Variants in MTR observed in about 807,000 individuals in gnomAD.
MTR encodes methionine synthase.
A neutral mutation model predicts 154.8 loss-of-function variants in MTR; 84 were observed. The observed-to-expected ratio is 0.54, with a 90% CI of 0.45 to 0.65. MTR has a LOEUF of 0.65. Among genes scored for constraint, MTR ranks in the 30% least tolerant of loss-of-function variants. The pLI, the probability that MTR is intolerant of heterozygous loss-of-function variation, is 0.00. For synonymous variants in MTR, 554 were observed against 553.9 expected, an observed-to-expected ratio of 1.00 and a Z score of 0.00; for missense variants, 1,275 against 1,570.2, an observed-to-expected ratio of 0.81 and a Z score of 3.18.
At chr1:236,866,199 C>T (rs529217454) in intron 22 of MTR, among the ~76,000 whole-genome samples, 1 of 152,244 alleles carries the variant, frequency 6.6e-6, no homozygotes, top group African/African-American at 2.4e-5. Flanking sequence ...GTCTTGATGG[C>T]ATTTTTCCAA....
chr1:236,803,386 C>T (rs749723621), intron 1 of MTR, 42 bp from the exon 2 acceptor site: 11 of 1,582,586 alleles, frequency 7.0e-6, no homozygotes, highest in South Asian at 5.5e-5. Context: ...ACATCTTTTT[C>T]ACCTTTCATT....
rs1021563385 is a variant in MTR, at chr1:236,825,345, C to G, written c.873C>G (p.Pro291=). Residue 291 remains proline, a synonymous_variant, in exon 10 of 33, where the codon CCC becomes CCG. Transcript: ENST00000366577. ...TGAATTATCCTTTCTCAGGTCTTCC[C>G]AACACCTTTGGTGACTATGATGAAA... ...YVLCYPNAGL[P]NTFGDYDETP... 9.3e-6 allele frequency: 15 copies of G among 1,613,188 alleles called. No individual in the cohort carries two copies. Among genetic ancestry groups the G allele is most frequent in the South Asian group, 4.4e-5 (4 of 91,068 alleles).
intron 30 of MTR, 136 bp downstream of exon 30, chr1:236,894,693 G>T: frequency 1.3e-6 from 1 of 782,636 alleles, no homozygotes; most frequent in Non-Finnish European, 2.0e-6. Context: ...GATGCTGCTG[G>T]CTTTAACATT....
chr1:236,850,252 AT>A (rs11288788), intron 15 of MTR, 91 bp from the exon 16 acceptor site: 3 of 753,756 alleles, frequency 4.0e-6, no homozygotes, highest in African/African-American at 5.0e-5. Flanking sequence ...TAATATTAAT[AT>A]TTTATTAAAA....
Position 236,818,638 on chromosome 1 carries a change from G to A in MTR, c.764+2095G>A, listed in dbSNP as rs193079582. On this transcript the variant is annotated intron_variant, in intron 8 of 32. Coordinates refer to ENST00000366577, the MANE Select transcript of MTR (RefSeq NM_000254.3). The stretch of plus-strand genomic sequence containing the variant: ...TATTTCGTTACGAATCTTACAGACT[G>A]TAGGGGCAGATAGAAGGCAGCAAAT... Among the ~76,000 whole-genome samples, 353 of 152,306 alleles carry A rather than the reference G, an allele frequency of 2.3e-3. 1 individual carries two copies. Among genetic ancestry groups the A allele is most frequent in the Middle Eastern group, 0.014 (4 of 294 alleles).
intron 8 of MTR, among the ~76,000 whole-genome samples, chr1:236,819,432 T>C (rs1173485094): frequency 6.6e-6 from 1 of 152,232 alleles, no homozygotes; most frequent in Non-Finnish European, 1.5e-5. Context: ...GCTCGATAGC[T>C]TATTTCTTTT....
intron 18 of MTR, among the ~76,000 whole-genome samples, chr1:236,856,079 T>C (rs1410148276): frequency 6.6e-6 from 1 of 152,242 alleles, no homozygotes; most frequent in Non-Finnish European, 1.5e-5. Context: ...AATTCTTTAC[T>C]GCTGTTTGTA....
intron 21 of MTR, 135 bp downstream of exon 21, chr1:236,862,478 C>G (rs1439487811): frequency 1.4e-6 from 1 of 714,196 alleles, no homozygotes; most frequent in Non-Finnish European, 2.5e-6. Flanking sequence ...TCCCACATCT[C>G]TCCCTTTTTT....
Position 236,897,954 on chromosome 1 carries a change from C to G in MTR, c.*310C>G, listed in dbSNP as rs535288803. The G allele has an allele frequency of 3.1e-6, 1 of 318,684 alleles. No individual in the cohort carries two copies. The highest frequency in any genetic ancestry group is 5.8e-6 in the Non-Finnish European group (1 of 173,270). 19.7% of individuals were successfully genotyped at this position (318,684 alleles called of 1,614,324 possible). A position where few individuals can be genotyped will look rare whatever the true frequency, so the allele number is the denominator to read the frequency against. On this transcript the variant is annotated 3_prime_UTR_variant, in exon 33 of 33. Transcript: ENST00000366577. ...TCGTTTGATTTCAAAGCAAGTCAAC[C>G]TGCTTTTTTCTGTTTTTACAGTGGA... is the stretch of plus-strand genomic sequence containing the variant.
chr1:236,810,023 T>C (rs1221393362), intron 4 of MTR, among the ~76,000 whole-genome samples: 1 of 152,188 alleles, frequency 6.6e-6, no homozygotes, highest in African/African-American at 2.4e-5. Context: ...GTAAGGTGAT[T>C]TTGCAGAACT....
intron 20 of MTR, among the ~76,000 whole-genome samples, chr1:236,861,774 G>T (rs1664558737): frequency 1.3e-5 from 2 of 152,214 alleles, no homozygotes; most frequent in African/African-American, 4.8e-5. Context: ...TACTTGTTGA[G>T]CATGTAGGTT....
chr1:236,808,297 G>A (rs1010168833), intron 3 of MTR, among the ~76,000 whole-genome samples: 1 of 152,204 alleles, frequency 6.6e-6, no homozygotes, highest in Non-Finnish European at 1.5e-5. Flanking sequence ...AAAAGTTGCT[G>A]TGGGAACTGC....
chr1:236,882,751 A>G (rs1665816816), intron 25 of MTR, among the ~76,000 whole-genome samples: 1 of 151,434 alleles, frequency 6.6e-6, no homozygotes, highest in Non-Finnish European at 1.5e-5. Context: ...CAGGCAGGGA[A>G]TGAGGAGTGG....
intron 8 of MTR, among the ~76,000 whole-genome samples, chr1:236,818,677 G>C (rs1661744786): frequency 6.6e-6 from 1 of 152,190 alleles, no homozygotes; most frequent in Non-Finnish European, 1.5e-5. Context: ...ATGTGAAAAG[G>C]ATACATTTTC....
intron 2 of MTR, among the ~76,000 whole-genome samples, chr1:236,805,140 G>A (rs1660909795): frequency 6.6e-6 from 1 of 152,190 alleles, no homozygotes; most frequent in African/African-American, 2.4e-5. Flanking sequence ...ATCGACTTAA[G>A]AGGGGTTGGG....
Position 236,901,429 on chromosome 1 carries a change from T to G in MTR, c.*3785T>G, listed in dbSNP as rs1268369861. The G allele has an allele frequency of 2.0e-5, 3 of 151,728 alleles. No homozygotes were observed. Among genetic ancestry groups the G allele is most frequent in the African/African-American group, 7.3e-5 (3 of 41,012 alleles). The allele number at this position is 151,728 out of a possible 1,614,324, so 9.4% of individuals were successfully genotyped here. A position where few individuals can be genotyped will look rare whatever the true frequency, so the allele number is the denominator to read the frequency against. On this transcript the variant is annotated 3_prime_UTR_variant, in exon 33 of 33. Coordinates refer to ENST00000366577, the MANE Select transcript of MTR (RefSeq NM_000254.3). Reference sequence around the variant, plus strand: ...CACAAGTACAGAGGGTTGCAGATAGTGCAGAAGTCTTTAAAAACAATTATT... The same window carrying G: ...CACAAGTACAGAGGGTTGCAGATAGGGCAGAAGTCTTTAAAAACAATTATT...
intron 24 of MTR, among the ~76,000 whole-genome samples, chr1:236,880,392 G>A (rs1418408362): frequency 6.6e-6 from 1 of 152,092 alleles, no homozygotes; most frequent in East Asian, 1.9e-4. Context: ...TCATTTGGAG[G>A]AGGGAACTCA....
chr1:236,852,469 G>A, intron 16 of MTR, 52 bp from the exon 17 acceptor site: 2 of 1,288,566 alleles, frequency 1.6e-6, no homozygotes, highest in South Asian at 1.2e-5. Flanking sequence ...AGATGTGATT[G>A]CTGTTTTTGG....
intron 18 of MTR, among the ~76,000 whole-genome samples, chr1:236,859,034 C>A (rs1441006623): frequency 6.6e-6 from 1 of 152,226 alleles, no homozygotes; most frequent in African/African-American, 2.4e-5. Flanking sequence ...ATATTTTCTA[C>A]CTCTCTTATG....
Sources: gnomAD v4.1 joint callset for allele counts (sites outside exome capture counted in the v4.1 genomes callset) on GRCh38, gnomAD v4.1.1 for gene constraint, MANE v1.5 for transcripts, NCBI Gene and HGNC (gene_info 2026-07-23, HGNC 2026-07-21) for gene names.